The following WIPF3 variants were observed in gnomAD, a reference collection of about 807,000 sequenced individuals.
WIPF3 encodes the protein WAS/WASL interacting protein family member 3, also known as WAS/WASL-interacting protein family member 3.
WIPF3 carries 33 observed loss-of-function variants against 38.9 expected under a neutral mutation model. The ratio of observed to expected loss-of-function variants is 0.85; its 90% CI spans 0.64 to 1.14. The LOEUF (loss-of-function observed/expected upper bound fraction) is 1.14, where lower values mean the gene tolerates loss of function less well. WIPF3 is among the 50% of genes most tolerant of loss of function. The pLI is 0.00. For synonymous variants in WIPF3, 324 were observed against 269.3 expected (o/e 1.20, Z -1.99); for missense variants, 711 against 652.5 (o/e 1.09, Z -0.98).
chr7:29,824,197 A>G (rs1371676581), intron 1 of WIPF3, among the ~76,000 whole-genome samples: 2 of 152,140 alleles, frequency 1.3e-5, no homozygotes, highest in African/African-American at 4.8e-5. Context: ...GATCCCAGCT[A>G]TTACGGATGC....
In WIPF3 at chr7:29,884,365, G is replaced by GC. The variant is rs1583618786; in HGVS notation, c.875dup (p.Pro293AlafsTer25). On this transcript the variant is annotated frameshift_variant, in exon 5 of 9. Transcript: ENST00000242140. LOFTEE classifies it high-confidence loss of function. ...TGCGCAAGATGCGCAGGAGCCTCCC[G>GC]CCCCGCCGCCCCCGCTCCCCCCTTA... 6.8e-5 allele frequency: 39 copies of GC among 573,280 alleles called. No individual in the cohort carries two copies. The highest frequency in any genetic ancestry group is 4.0e-4 in the South Asian group (12 of 30,302). 35.5% of individuals were successfully genotyped at this position (573,280 alleles called of 1,614,324 possible). A position where few individuals can be genotyped will look rare whatever the true frequency, so the allele number is the denominator to read the frequency against.
At chr7:29,909,475 A>T (rs1048665896) in intron 8 of WIPF3, among the ~76,000 whole-genome samples, 2 of 152,254 alleles carry the variant, frequency 1.3e-5, no homozygotes, top group Non-Finnish European at 2.9e-5. Flanking sequence ...CATTACTACT[A>T]ATCCAACTGA....
rs62457636 is a variant in WIPF3 at position 29,892,070 on chromosome 7, G to C, written c.1351+2663G>C. Among the ~76,000 whole-genome samples the C allele has an allele frequency of 6.8e-3, 1,032 of 152,316 alleles. 7 individuals are homozygous for C. The highest frequency in any genetic ancestry group is 0.029 in the South Asian group (138 of 4,830). On this transcript the variant is annotated intron_variant, in intron 7 of 8. Coordinates refer to ENST00000242140, the MANE Select transcript of WIPF3 (RefSeq NM_001080529.3). ...CCCCTTTCCCCATCTTGTGAAATATGCACAGGAATCAGCTCGATAAAAACC... is the reference window on the plus strand; with the variant it reads ...CCCCTTTCCCCATCTTGTGAAATATCCACAGGAATCAGCTCGATAAAAACC...
chr7:29,807,727 T>C (rs174914), intron 1 of WIPF3, among the ~76,000 whole-genome samples: 55,147 of 152,072 alleles, frequency 0.36, 10,379 homozygotes, highest in Admixed American at 0.47. Context: ...ACTGGCTGTA[T>C]TGGGGAGGAA....
chr7:29,888,049 C>T lies in WIPF3; in HGVS notation c.1100-19C>T, dbSNP rs1377747996. The T allele has an allele frequency of 6.2e-7, 1 of 1,613,698 alleles. No homozygotes were observed. The highest frequency in any genetic ancestry group is 1.1e-5 in the South Asian group (1 of 91,044). On this transcript the variant is annotated intron_variant, in intron 5 of 8. Coordinates refer to ENST00000242140, the MANE Select transcript of WIPF3 (RefSeq NM_001080529.3). ...ATTCCCATCCGTGTTTCTGAGTACA[C>T]CATCATCTTCTCTGTAAGGGGCCGG...
At chr7:29,883,036 C>T (rs984050256) in intron 4 of WIPF3, among the ~76,000 whole-genome samples, 8 of 152,126 alleles carry the variant, frequency 5.3e-5, no homozygotes, top group Admixed American at 3.9e-4. Flanking sequence ...CAAGGCTGTG[C>T]GGAGTATAGA....
intron 1 of WIPF3, among the ~76,000 whole-genome samples, chr7:29,819,368 C>T (rs1342914615): frequency 6.6e-6 from 1 of 151,976 alleles, no homozygotes; most frequent in Non-Finnish European, 1.5e-5. Flanking sequence ...TTTTCCCTGT[C>T]TCTTGTTTTA....
At chr7:29,877,088 C>T (rs1348005540) in intron 3 of WIPF3, among the ~76,000 whole-genome samples, 1 of 152,144 alleles carries the variant, frequency 6.6e-6, no homozygotes, top group Non-Finnish European at 1.5e-5. Flanking sequence ...ATGACGTTAA[C>T]CCTGAAGAAA....
chr7:29,862,346 C>A (rs749281332), intron 2 of WIPF3, among the ~76,000 whole-genome samples: 19 of 152,132 alleles, frequency 1.2e-4, no homozygotes, highest in Non-Finnish European at 2.6e-4. Flanking sequence ...GATGTCTAAA[C>A]TTTCTCATAT....
intron 2 of WIPF3, among the ~76,000 whole-genome samples, chr7:29,849,141 G>T (rs1785049981): frequency 6.6e-6 from 1 of 152,002 alleles, no homozygotes; most frequent in African/African-American, 2.4e-5. Flanking sequence ...AGCCCAATCT[G>T]GCTCCTGTTT....
intron 4 of WIPF3, among the ~76,000 whole-genome samples, chr7:29,882,134 A>G (rs1348071172): frequency 6.6e-6 from 1 of 152,232 alleles, no homozygotes; most frequent in Non-Finnish European, 1.5e-5. Flanking sequence ...TGGTGGCTTC[A>G]TCAACACAGG....
At chr7:29,883,785 G>A (rs1403394519) in intron 4 of WIPF3, 65 bp from the exon 5 acceptor site, 3 of 1,500,114 alleles carry the variant, frequency 2.0e-6, no homozygotes, top group African/African-American at 2.8e-5. Context: ...CCTGAGTGCC[G>A]CCTACCTGCG....
Position 29,884,529 on chromosome 7 carries a change from G to T in WIPF3, c.1035G>T (p.Leu345Phe). The T allele has an allele frequency of 1.3e-6, 2 of 1,582,906 alleles. No individual in the cohort carries two copies. Among genetic ancestry groups the T allele is most frequent in the Non-Finnish European group, 1.7e-6 (2 of 1,166,388 alleles). Residue 345 changes from leucine (L) to phenylalanine (F), a missense_variant, in exon 5 of 9, where the codon TTG (leucine) becomes TTT (phenylalanine). By Grantham distance (22) the Leu-to-Phe change is conservative. Transcript: ENST00000242140. ...APPQKAGAQA[L>F]PAPPAPPGSQ... ...CGCAGAAGGCCGGTGCGCAGGCCTT[G>T]CCCGCCCCGCCTGCCCCTCCGGGCT...
intron 2 of WIPF3, among the ~76,000 whole-genome samples, chr7:29,848,989 G>A (rs1785047464): frequency 6.6e-6 from 1 of 152,148 alleles, no homozygotes; most frequent in African/African-American, 2.4e-5. Context: ...AAGGAGTTAT[G>A]TAGCATGCTT....
chr7:29,863,385 G>A (rs1328758426), intron 2 of WIPF3, among the ~76,000 whole-genome samples: 1 of 152,146 alleles, frequency 6.6e-6, no homozygotes, highest in Non-Finnish European at 1.5e-5. Flanking sequence ...GAATAAGGCT[G>A]ATCTAAACAT....
chr7:29,839,100 G>A (rs1784873128), intron 2 of WIPF3, among the ~76,000 whole-genome samples: 1 of 152,144 alleles, frequency 6.6e-6, no homozygotes, highest in South Asian at 2.1e-4. Context: ...GAGAGTGGGG[G>A]ACTCAGGATC....
Position 29,878,866 on chromosome 7 carries a change from A to G in WIPF3, c.224-143A>G. 1 of 941,256 alleles carries G rather than the reference A, an allele frequency of 1.1e-6. No homozygotes were observed. The highest frequency in any genetic ancestry group is 1.6e-6 in the Non-Finnish European group (1 of 636,532). 58.3% of individuals were successfully genotyped at this position (941,256 alleles called of 1,614,324 possible). A position where few individuals can be genotyped will look rare whatever the true frequency, so the allele number is the denominator to read the frequency against. Reference sequence around the variant, plus strand: ...CAGAGGGTGCTTGGGGAGGATGCTGAGTGAAAGGATGACATTGGAGGTGGG... The same window carrying G: ...CAGAGGGTGCTTGGGGAGGATGCTGGGTGAAAGGATGACATTGGAGGTGGG... On this transcript the variant is annotated intron_variant, in intron 3 of 8. Coordinates refer to ENST00000242140, the MANE Select transcript of WIPF3 (RefSeq NM_001080529.3). This position sits in a 1 kb window ranked among gnomAD's most constrained non-coding sequence, Gnocchi z 4.0.
At chr7:29,840,659 T>C (rs1041451895) in intron 2 of WIPF3, among the ~76,000 whole-genome samples, 7 of 152,130 alleles carry the variant, frequency 4.6e-5, no homozygotes, top group Non-Finnish European at 1.0e-4. Flanking sequence ...AAAAAGTATA[T>C]TTGAAGGTAG....
chr7:29,872,720 C>T (rs896507970), intron 2 of WIPF3, among the ~76,000 whole-genome samples: 2 of 139,760 alleles, frequency 1.4e-5, no homozygotes, highest in African/African-American at 2.7e-5. Flanking sequence ...GGCGTGAACC[C>T]GGGAAGCGGA....
Sources: gnomAD v4.1 joint callset for allele counts (sites outside exome capture counted in the v4.1 genomes callset) on GRCh38, gnomAD v4.1.1 for gene constraint, Gnocchi (gnomAD v3.1) non-coding constraint, MANE v1.5 for transcripts, NCBI Gene and HGNC (gene_info 2026-07-23, HGNC 2026-07-21) for gene names.